The following FARS2 variants were observed in gnomAD, a reference collection of about 807,000 sequenced individuals.
FARS2 encodes the protein phenylalanyl-tRNA synthetase 2, mitochondrial.
In FARS2, 40 loss-of-function variants were observed where a neutral mutation model predicts 46.4. The ratio of observed to expected loss-of-function variants is 0.86; its 90% CI spans 0.67 to 1.12. The LOEUF (loss-of-function observed/expected upper bound fraction) is 1.12. Ranked by LOEUF, FARS2 falls within the 50% of genes most tolerant of loss-of-function variation. The pLI, the probability that FARS2 is intolerant of heterozygous loss-of-function variation, is 0.00. For missense variants in FARS2, 513 were observed against 567.9 expected (o/e 0.90, Z 0.98); for synonymous variants, 234 against 214.9 (o/e 1.09, Z -0.78).
intron 1 of FARS2, among the ~76,000 whole-genome samples, chr6:5,295,250 T>C (rs1581713232): frequency 6.6e-6 from 1 of 152,208 alleles, no homozygotes; most frequent in East Asian, 1.9e-4. Flanking sequence ...GTGAAATTAT[T>C]TGAAGTTTCA....
intron 4 of FARS2, among the ~76,000 whole-genome samples, chr6:5,507,754 G>A (rs1026241781): frequency 2.6e-5 from 4 of 152,342 alleles, no homozygotes; most frequent in East Asian, 1.9e-4. Flanking sequence ...CTGCGGACAC[G>A]CCATGATGGC....
At chr6:5,698,375 T>C (rs1050311159) in intron 6 of FARS2, among the ~76,000 whole-genome samples, 2 of 151,988 alleles carry the variant, frequency 1.3e-5, no homozygotes, top group Admixed American at 1.3e-4. Context: ...GCACCAGAAT[T>C]CATGAGAACT....
chr6:5,465,498 AG>A (rs577574800), intron 4 of FARS2, among the ~76,000 whole-genome samples: 73 of 152,356 alleles, frequency 4.8e-4, no homozygotes, highest in African/African-American at 1.6e-3. Flanking sequence ...AGACCAGCTC[AG>A]CACCTTGCTT....
At chr6:5,483,318 C>G (rs983025975) in intron 4 of FARS2, among the ~76,000 whole-genome samples, 1 of 152,168 alleles carries the variant, frequency 6.6e-6, no homozygotes, top group African/African-American at 2.4e-5. Context: ...AAGTCCTTGT[C>G]TTTGGCTCTG....
At chr6:5,751,065 G>GT in intron 6 of FARS2, among the ~76,000 whole-genome samples, 2 of 152,082 alleles carry the variant, frequency 1.3e-5, no homozygotes, top group Non-Finnish European at 2.9e-5. Flanking sequence ...ACTGTTCAAT[G>GT]TTTTTTCTGA....
chr6:5,705,713 G>A (rs965691223), intron 6 of FARS2, among the ~76,000 whole-genome samples: 20 of 152,112 alleles, frequency 1.3e-4, no homozygotes, highest in Admixed American at 6.5e-5. Flanking sequence ...CTCTGCTCGA[G>A]CCATTTGGAA....
intron 3 of FARS2, among the ~76,000 whole-genome samples, chr6:5,415,310 C>CTTTTTTTT (rs773981175): frequency 5.0e-4 from 27 of 53,638 alleles, no homozygotes; most frequent in East Asian, 1.9e-3. Context: ...CTTTTCTTTT[C>CTTTTTTTT]TTTTTTTTTT....
chr6:5,599,459 C>T (rs765136650), intron 5 of FARS2, among the ~76,000 whole-genome samples: 4 of 151,880 alleles, frequency 2.6e-5, no homozygotes, highest in Admixed American at 6.6e-5. Context: ...GTTATTTAAC[C>T]GAAAAAAATG....
In FARS2 at chr6:5,563,223, C is replaced by T. The variant is rs73718308; in HGVS notation, c.1065+17883C>T. ...TTGGCTTGACTAGGCATGTCATTCACGTAGCCCATGAAAATGCTGGCCCTC... is the reference window on the plus strand; with the variant it reads ...TTGGCTTGACTAGGCATGTCATTCATGTAGCCCATGAAAATGCTGGCCCTC... On this transcript the variant is annotated intron_variant, in intron 5 of 6. Coordinates refer to ENST00000274680, the MANE Select transcript of FARS2 (RefSeq NM_006567.5). 2.0e-3 allele frequency among the ~76,000 whole-genome samples: 299 copies of T among 152,174 alleles called. 1 individual carries two copies. Among genetic ancestry groups the T allele is most frequent in the African/African-American group, 6.8e-3 (283 of 41,530 alleles).
intron 5 of FARS2, among the ~76,000 whole-genome samples, chr6:5,577,431 A>G (rs1489741831): frequency 1.3e-5 from 2 of 152,140 alleles, no homozygotes; most frequent in Non-Finnish European, 2.9e-5. Flanking sequence ...AATAGCACTG[A>G]GCTACCCTAG....
At chr6:5,763,999 T>C (rs576601702) in intron 6 of FARS2, among the ~76,000 whole-genome samples, 1 of 151,936 alleles carries the variant, frequency 6.6e-6, no homozygotes, top group East Asian at 1.9e-4. Flanking sequence ...GAAATACAAG[T>C]CCCTCACCCC....
intron 4 of FARS2, among the ~76,000 whole-genome samples, chr6:5,498,657 A>G (rs982680817): frequency 6.6e-6 from 1 of 152,016 alleles, no homozygotes; most frequent in Non-Finnish European, 1.5e-5. Flanking sequence ...AGTTGGCTTT[A>G]TGTCACCTAT....
At chr6:5,753,613 C>T (rs748152719) in intron 6 of FARS2, among the ~76,000 whole-genome samples, 19 of 152,194 alleles carry the variant, frequency 1.2e-4, no homozygotes, top group Non-Finnish European at 2.4e-4. Flanking sequence ...ACATTTCATG[C>T]CTTTGTCCTA....
At chr6:5,336,342 A>G (rs1771157030) in intron 1 of FARS2, among the ~76,000 whole-genome samples, 1 of 152,122 alleles carries the variant, frequency 6.6e-6, no homozygotes, top group Admixed American at 6.6e-5. Flanking sequence ...GGATTTTAAA[A>G]GTCTCGGTGA....
intron 4 of FARS2, among the ~76,000 whole-genome samples, chr6:5,453,024 C>T (rs1446705572): frequency 1.3e-5 from 2 of 151,294 alleles, no homozygotes; most frequent in African/African-American, 2.4e-5. Context: ...TGTGTAGGTC[C>T]GTTTGAGAAT....
intron 6 of FARS2, among the ~76,000 whole-genome samples, chr6:5,717,275 T>C (rs1360449905): frequency 1.3e-5 from 2 of 152,026 alleles, no homozygotes; most frequent in African/African-American, 4.8e-5. Flanking sequence ...AGTGCCCCAA[T>C]GTTGTAACAA....
chr6:5,370,524 A>C (rs1294564997), intron 2 of FARS2, among the ~76,000 whole-genome samples: 1 of 152,204 alleles, frequency 6.6e-6, no homozygotes, highest in African/African-American at 2.4e-5. Flanking sequence ...ATTTAAAATT[A>C]ATGTACAAGA....
chr6:5,344,491 A>G (rs1757103778), intron 1 of FARS2, among the ~76,000 whole-genome samples: 1 of 152,160 alleles, frequency 6.6e-6, no homozygotes, highest in African/African-American at 2.4e-5. Flanking sequence ...AGTGCAGGCA[A>G]CTGAGTCTAT....
chr6:5,618,302 A>C (rs1561756028), intron 6 of FARS2, among the ~76,000 whole-genome samples: 1 of 152,254 alleles, frequency 6.6e-6, no homozygotes, highest in East Asian at 1.9e-4. Context: ...CCATCTCCCC[A>C]CCAAGTCCCT....
Sources: gnomAD v4.1 joint callset for allele counts (sites outside exome capture counted in the v4.1 genomes callset) on GRCh38, gnomAD v4.1.1 for gene constraint, MANE v1.5 for transcripts, NCBI Gene and HGNC (gene_info 2026-07-23, HGNC 2026-07-21) for gene names.